The following NXPE2 variants were observed in gnomAD, a reference collection of about 807,000 sequenced individuals.
The protein encoded by NXPE2 is NXPE family member 2.
A neutral mutation model predicts 34.4 loss-of-function variants in NXPE2; 34 were observed. The ratio of observed to expected loss-of-function variants is 0.99; its 90% CI spans 0.75 to 1.31. The LOEUF (loss-of-function observed/expected upper bound fraction) is 1.31. Ranked by LOEUF, NXPE2 falls within the 40% of genes most tolerant of loss-of-function variation. NXPE2 has a pLI of 0.00. For missense variants in NXPE2, 649 were observed against 672.5 expected (o/e 0.97, Z 0.39); for synonymous variants, 235 against 231.3 (o/e 1.02, Z -0.15).
At chr11:114,533,900 A>C in the NXPE2 span, among the ~76,000 whole-genome samples, 3 of 152,328 alleles carry the variant, frequency 2.0e-5, no homozygotes, top group Non-Finnish European at 2.9e-5. Flanking sequence ...ACCTCTGCAG[A>C]CTTAAATGTC....
the NXPE2 span, among the ~76,000 whole-genome samples, chr11:114,607,349 G>T: frequency 6.6e-6 from 1 of 151,800 alleles, no homozygotes; most frequent in South Asian, 2.1e-4. Flanking sequence ...GTATTGCCTC[G>T]TGGGTAACCA....
rs777667470 is a variant in NXPE2 at position 114,698,430 on chromosome 11, G to A, written c.518G>A (p.Gly173Asp). 2.5e-6 allele frequency: 4 copies of A among 1,613,742 alleles called. No homozygotes were observed. Among genetic ancestry groups the A allele is most frequent in the South Asian group, 2.2e-5 (2 of 91,036 alleles). Residue 173 changes from glycine (G) to aspartate (D), a missense_variant, in exon 3 of 6, where the codon GGC (glycine) becomes GAC (aspartate). Coordinates refer to ENST00000389586, the MANE Select transcript of NXPE2 (RefSeq NM_182495.6). ...ASGKVTDFNNGTYLVSFTLFW... is the reference protein window; with the variant it reads ...ASGKVTDFNNDTYLVSFTLFW... ...GGAAAGGTGACTGACTTCAACAACG[G>A]CACCTACCTGGTCAGCTTCACTCTG...
At chr11:114,743,644 C>T in the NXPE2 span, among the ~76,000 whole-genome samples, 1 of 151,918 alleles carries the variant, frequency 6.6e-6, no homozygotes, top group African/African-American at 2.4e-5. Flanking sequence ...GATTGTGTGT[C>T]TTGGTTAAGG....
chr11:114,696,652 A>G (rs1951264248), intron 2 of NXPE2, among the ~76,000 whole-genome samples: 1 of 152,230 alleles, frequency 6.6e-6, no homozygotes, highest in Non-Finnish European at 1.5e-5. Context: ...AGAAAAGCAT[A>G]TATCAATAAA....
At chr11:114,516,572 T>TATC in the NXPE2 span, among the ~76,000 whole-genome samples, 1 of 151,914 alleles carries the variant, frequency 6.6e-6, no homozygotes, top group Admixed American at 6.6e-5. Context: ...AAGCAAGCCT[T>TATC]ATTATTATTA....
At chr11:114,755,933 C>A in the NXPE2 span, among the ~76,000 whole-genome samples, 1 of 152,174 alleles carries the variant, frequency 6.6e-6, no homozygotes, top group African/African-American at 2.4e-5. Flanking sequence ...GAGTACTTCT[C>A]CATTCTCCAC....
At chr11:114,800,736 A>G in the NXPE2 span, among the ~76,000 whole-genome samples, 1 of 152,126 alleles carries the variant, frequency 6.6e-6, no homozygotes, top group East Asian at 1.9e-4. Context: ...TCTTGGACAA[A>G]TTGTGTAATC....
chr11:114,760,821 C>T, the NXPE2 span, among the ~76,000 whole-genome samples: 1 of 152,194 alleles, frequency 6.6e-6, no homozygotes, highest in Non-Finnish European at 1.5e-5. Context: ...CCCCCAAACA[C>T]ACATTTTAAT....
At chr11:114,810,509 C>G in the NXPE2 span, among the ~76,000 whole-genome samples, 1 of 151,592 alleles carries the variant, frequency 6.6e-6, no homozygotes, top group Non-Finnish European at 1.5e-5. Context: ...AAAACAACCC[C>G]ATCAAAGAGT....
At chr11:114,780,205 C>A in the NXPE2 span, among the ~76,000 whole-genome samples, 1 of 152,224 alleles carries the variant, frequency 6.6e-6, no homozygotes, top group African/African-American at 2.4e-5. Flanking sequence ...GGCCGAGTCT[C>A]TTCAGGAGGC....
chr11:114,504,398 GCA>G, the NXPE2 span, among the ~76,000 whole-genome samples: 1 of 152,148 alleles, frequency 6.6e-6, no homozygotes, highest in African/African-American at 2.4e-5. Context: ...CAGTGCAACA[GCA>G]CACACAGTCT....
chr11:114,589,161 C>T, the NXPE2 span, among the ~76,000 whole-genome samples: 1 of 152,144 alleles, frequency 6.6e-6, no homozygotes, highest in Non-Finnish European at 1.5e-5. Flanking sequence ...TCGACCCTCT[C>T]TAGCCTGTGG....
At chr11:114,619,212 G>T in the NXPE2 span, among the ~76,000 whole-genome samples, 1 of 151,880 alleles carries the variant, frequency 6.6e-6, no homozygotes, top group East Asian at 2.0e-4. Flanking sequence ...ATTGCCTCTA[G>T]GGTAACCACT....
chr11:114,722,769 A>G, the NXPE2 span, among the ~76,000 whole-genome samples: 1 of 152,172 alleles, frequency 6.6e-6, no homozygotes. Context: ...TTTAGATAGA[A>G]TAACAAAACG....
the NXPE2 span, among the ~76,000 whole-genome samples, chr11:114,607,378 T>C: frequency 1.1e-3 from 171 of 152,108 alleles, no homozygotes; most frequent in African/African-American, 4.0e-3. Context: ...CGGTGGATAA[T>C]AAGTGTTGCC....
At chr11:114,595,004 A>G in the NXPE2 span, among the ~76,000 whole-genome samples, 803 of 152,168 alleles carry the variant, frequency 5.3e-3, 5 homozygotes, top group African/African-American at 0.018. Context: ...GCCCACTGTG[A>G]TCTTTAAGAA....
chr11:114,698,403 C>T lies in NXPE2; in HGVS notation c.491C>T (p.Ser164Leu). ...TCCACAGCACTAATGGCAGGTGCTT[C>T]AGGAAAGGTGACTGACTTCAACAAC... ...MYSTALMAGA[S>L]GKVTDFNNGT... The change falls in exon 3 of 6, where the codon TCA (serine) becomes TTA (leucine). Residue 164 changes from serine (S) to leucine (L), a missense_variant. Physicochemically the swap from Ser to Leu is moderately radical, Grantham distance 145. Transcript: ENST00000389586. The T allele has an allele frequency of 1.2e-6, 2 of 1,613,934 alleles. No individual in the cohort carries two copies. Among genetic ancestry groups the T allele is most frequent in the African/African-American group, 2.7e-5 (2 of 75,026 alleles).
chr11:114,553,735 A>G, the NXPE2 span: 1 of 985,362 alleles, frequency 1.0e-6, no homozygotes, highest in Non-Finnish European at 1.2e-6. Context: ...AGTGTCTTTA[A>G]GATGCCTCCA....
the NXPE2 span, among the ~76,000 whole-genome samples, chr11:114,640,040 T>C: frequency 1.4e-3 from 163 of 119,072 alleles, 1 homozygote; most frequent in African/African-American, 5.4e-3. Flanking sequence ...ATAATTATAT[T>C]ATTTTATAAT....
Sources: allele counts gnomAD v4.1 joint callset (sites outside exome capture counted in the v4.1 genomes callset), GRCh38; gene constraint gnomAD v4.1.1; transcripts MANE v1.5; gene names NCBI Gene and HGNC (gene_info 2026-07-23, HGNC 2026-07-21).